The following PDE1C variants were observed in gnomAD, a reference collection of about 807,000 sequenced individuals.
The protein encoded by PDE1C is phosphodiesterase 1C, also known as dual specificity calcium/calmodulin-dependent 3',5'-cyclic nucleotide phosphodiesterase 1C.
PDE1C carries 62 observed loss-of-function variants against 93.1 expected under a neutral mutation model. The ratio of observed to expected loss-of-function variants is 0.67; its 90% CI spans 0.54 to 0.82. PDE1C has a LOEUF of 0.82. Among genes scored for constraint, PDE1C ranks in the 40% least tolerant of loss-of-function variants. The pLI is 0.00. For synonymous variants in PDE1C, 325 were observed against 310.1 expected (o/e 1.05, Z -0.50); for missense variants, 742 against 884.6 (o/e 0.84, Z 2.04).
chr7:32,013,205 A>G (rs936917026), intron 2 of PDE1C, among the ~76,000 whole-genome samples: 2 of 152,330 alleles, frequency 1.3e-5, no homozygotes, highest in South Asian at 2.1e-4. Flanking sequence ...AATTATCTAA[A>G]ATCAAATTTT....
intron 3 of PDE1C, among the ~76,000 whole-genome samples, chr7:32,104,026 T>C (rs1277603843): frequency 6.6e-6 from 1 of 152,030 alleles, no homozygotes; most frequent in Non-Finnish European, 1.5e-5. Context: ...ACAAAAGATC[T>C]TTAAAAATGA....
rs745676392 is a variant in PDE1C at position 32,060,932 on chromosome 7, C to T, written c.102-9352G>A. ...GGAATGGTATACTAAATGCAATAAACTTTTGTGGGTCATCCTTAGACAAAA... is the reference window on the plus strand; with the variant it reads ...GGAATGGTATACTAAATGCAATAAATTTTTGTGGGTCATCCTTAGACAAAA... On this transcript the variant is annotated intron_variant, in intron 1 of 17. Transcript: ENST00000396191. 6.3e-4 allele frequency among the ~76,000 whole-genome samples: 96 copies of T among 152,144 alleles called. 3 individuals are homozygous for T. Among genetic ancestry groups the T allele is most frequent in the Non-Finnish European group, 1.3e-4 (9 of 68,016 alleles).
At chr7:32,069,408 G>A (rs1266816208) in intron 1 of PDE1C, among the ~76,000 whole-genome samples, 1 of 152,074 alleles carries the variant, frequency 6.6e-6, no homozygotes. Flanking sequence ...AACCACACTA[G>A]ATATCTGATG....
chr7:32,008,501 C>A (rs1387721407), intron 2 of PDE1C, among the ~76,000 whole-genome samples: 1 of 152,206 alleles, frequency 6.6e-6, no homozygotes, highest in African/African-American at 2.4e-5. Flanking sequence ...TTGGTCCCTA[C>A]TACTGGGTTC....
intron 3 of PDE1C, among the ~76,000 whole-genome samples, chr7:32,093,662 C>T (rs779251180): frequency 2.7e-4 from 41 of 152,224 alleles, no homozygotes; most frequent in Middle Eastern, 3.2e-3. Context: ...ATGACTTTGT[C>T]ATTTGGCAAA....
At chr7:32,240,031 A>G (rs1206172074) in intron 1 of PDE1C, among the ~76,000 whole-genome samples, 1 of 152,184 alleles carries the variant, frequency 6.6e-6, no homozygotes, top group African/African-American at 2.4e-5. Flanking sequence ...CACCCCATGT[A>G]TAGGCATGCA....
intron 2 of PDE1C, among the ~76,000 whole-genome samples, chr7:31,995,601 C>T (rs1784624452): frequency 6.6e-6 from 1 of 152,014 alleles, no homozygotes; most frequent in South Asian, 2.1e-4. Flanking sequence ...AGTCTCATTG[C>T]CTCTAGATTT....
rs560577002 is a variant in PDE1C, at chr7:32,180,130, G to A, written c.137-10174C>T. Among the ~76,000 whole-genome samples the A allele has an allele frequency of 2.2e-3, 339 of 152,170 alleles. 4 individuals carry two copies. The highest frequency in any genetic ancestry group is 4.1e-3 in the Non-Finnish European group (282 of 68,014). ...CAATAATGATGGTACAAAAAATAAA[G>A]TACCAATAATGTTTTGAATATCTTA... On this transcript the variant is annotated intron_variant, in intron 2 of 18. Coordinates refer to the PDE1C transcript ENST00000396193.
intron 3 of PDE1C, among the ~76,000 whole-genome samples, chr7:32,089,326 A>G (rs1797322878): frequency 6.6e-6 from 1 of 152,194 alleles, no homozygotes; most frequent in South Asian, 2.1e-4. Context: ...GTGGATTTGA[A>G]CTAAAGCCTG....
intron 2 of PDE1C, among the ~76,000 whole-genome samples, chr7:31,914,157 A>G (rs1801594654): frequency 6.6e-6 from 1 of 152,206 alleles, no homozygotes; most frequent in Admixed American, 6.5e-5. Context: ...TTCAAAGTCA[A>G]TTTTATATCA....
intron 1 of PDE1C, among the ~76,000 whole-genome samples, chr7:32,211,947 G>A (rs1019597621): frequency 6.7e-6 from 1 of 148,320 alleles, no homozygotes; most frequent in Non-Finnish European, 1.5e-5. Flanking sequence ...GATCACTTGA[G>A]CCCAGGAGGT....
intron 1 of PDE1C, among the ~76,000 whole-genome samples, chr7:32,066,120 C>T (rs1459525713): frequency 1.3e-5 from 2 of 152,208 alleles, no homozygotes; most frequent in Non-Finnish European, 2.9e-5. Context: ...CCCTTTCCCA[C>T]AGCCAATACA....
At chr7:32,421,902 T>G (rs1423253778) in intron 1 of PDE1C, among the ~76,000 whole-genome samples, 2 of 152,154 alleles carry the variant, frequency 1.3e-5, no homozygotes, top group African/African-American at 4.8e-5. Context: ...GTACCACTGA[T>G]GGCTAGGCAG....
At chr7:31,932,362 A>T (rs143837557) in intron 2 of PDE1C, among the ~76,000 whole-genome samples, 1,596 of 152,284 alleles carry the variant, frequency 0.01, 15 homozygotes, top group Non-Finnish European at 0.019. Flanking sequence ...AACTTAAACA[A>T]ATTTACAAGA....
At chr7:31,735,224 C>A in the PDE1C span, among the ~76,000 whole-genome samples, 2 of 152,106 alleles carry the variant, frequency 1.3e-5, no homozygotes, top group African/African-American at 4.8e-5. Context: ...CATGGAGAAA[C>A]CCTGTCTGTA....
intron 1 of PDE1C, among the ~76,000 whole-genome samples, chr7:32,363,869 C>T (rs1012220137): frequency 1.2e-4 from 19 of 152,108 alleles, no homozygotes; most frequent in Non-Finnish European, 2.5e-4. Context: ...ATTTAATGAC[C>T]ACTTACTATG....
chr7:32,295,896 A>G, intron 1 of PDE1C, among the ~76,000 whole-genome samples: 1 of 5,506 alleles, frequency 1.8e-4, no homozygotes, highest in East Asian at 1.2e-3. Flanking sequence ...TCTGTCTCAA[A>G]AAAAAAAAAA....
intron 2 of PDE1C, among the ~76,000 whole-genome samples, chr7:31,951,178 TATTTA>T (rs1330358936): frequency 6.6e-6 from 1 of 152,224 alleles, no homozygotes; most frequent in Non-Finnish European, 1.5e-5. Flanking sequence ...CTTAATTACT[TATTTA>T]AAGGCCTTAT....
intron 2 of PDE1C, among the ~76,000 whole-genome samples, chr7:31,911,528 G>C (rs1801246335): frequency 6.6e-6 from 1 of 152,098 alleles, no homozygotes; most frequent in Non-Finnish European, 1.5e-5. Context: ...CTCCAAAGAA[G>C]GTAGCACCTG....
Sources: gnomAD v4.1 joint callset for allele counts (sites outside exome capture counted in the v4.1 genomes callset) on GRCh38, gnomAD v4.1.1 for gene constraint, MANE v1.5 for transcripts, NCBI Gene and HGNC (gene_info 2026-07-23, HGNC 2026-07-21) for gene names.